FAT3: variants seen among roughly 807,000 people sequenced by gnomAD.
FAT3 encodes protocadherin Fat 3.
In FAT3, 95 loss-of-function variants were observed where a neutral mutation model predicts 310.2. The observed-to-expected ratio is 0.31, with a 90% CI of 0.26 to 0.36. The LOEUF (loss-of-function observed/expected upper bound fraction) is 0.36, where lower values mean the gene tolerates loss of function less well. FAT3 is among the 10% of genes least tolerant of loss of function. The probability of loss-of-function intolerance (pLI) is 1.00; values close to 1 mark genes in which losing one functional copy is unlikely to be tolerated. For synonymous variants in FAT3, 2,314 were observed against 2,192.9 expected, an observed-to-expected ratio of 1.06 and a Z score of -1.54; for missense variants, 5,408 against 5,715.6, an observed-to-expected ratio of 0.95 and a Z score of 1.74.
intron 1 of FAT3, among the ~76,000 whole-genome samples, chr11:92,261,677 T>G (rs1311009045): frequency 6.6e-6 from 1 of 152,088 alleles, no homozygotes; most frequent in Non-Finnish European, 1.5e-5. Context: ...TCCAAACGTT[T>G]GTATTATTCC....
At chr11:92,268,846 T>C (rs1180908093) in intron 1 of FAT3, among the ~76,000 whole-genome samples, 3 of 152,168 alleles carry the variant, frequency 2.0e-5, no homozygotes, top group Non-Finnish European at 4.4e-5. Context: ...TTTTCCTCCT[T>C]TTAAGGAAAG....
chr11:92,411,761 A>G (rs1950274654), intron 2 of FAT3, among the ~76,000 whole-genome samples: 1 of 151,474 alleles, frequency 6.6e-6, no homozygotes, highest in African/African-American at 2.4e-5. Context: ...TTTTTTCTGA[A>G]TCTAAATTCA....
chr11:92,266,243 T>C (rs2134321047), intron 1 of FAT3, among the ~76,000 whole-genome samples: 1 of 152,288 alleles, frequency 6.6e-6, no homozygotes, highest in African/African-American at 2.4e-5. Context: ...GCCATTCATA[T>C]GGTTTATTTC....
chr11:92,767,251 CAAAAA>C (rs572259436), intron 6 of FAT3, among the ~76,000 whole-genome samples: 1 of 58,914 alleles, frequency 1.7e-5, no homozygotes, highest in Non-Finnish European at 3.6e-5. Context: ...GACTCTGTCT[CAAAAA>C]AAAAAAAAAA....
At chr11:92,432,092 A>T (rs1186951) in intron 2 of FAT3, among the ~76,000 whole-genome samples, 1 of 151,950 alleles carries the variant, frequency 6.6e-6, no homozygotes, top group Admixed American at 6.5e-5. Context: ...CTTGGGCAGT[A>T]TGGCCATTTT....
At chr11:92,264,782 C>T (rs977875149) in intron 1 of FAT3, among the ~76,000 whole-genome samples, 1 of 152,142 alleles carries the variant, frequency 6.6e-6, no homozygotes, top group Non-Finnish European at 1.5e-5. Flanking sequence ...CTCGGCTTGG[C>T]CGTACCTGGG....
At chr11:92,485,550 A>G (rs1433916915) in intron 2 of FAT3, among the ~76,000 whole-genome samples, 1 of 152,174 alleles carries the variant, frequency 6.6e-6, no homozygotes, top group Non-Finnish European at 1.5e-5. Flanking sequence ...AATAGATTAC[A>G]CAGAAACGAA....
chr11:92,606,190 C>G (rs960257628), intron 3 of FAT3, among the ~76,000 whole-genome samples: 2 of 152,186 alleles, frequency 1.3e-5, no homozygotes, highest in Non-Finnish European at 2.9e-5. Flanking sequence ...ACTAGATATG[C>G]ATTTTCTGTT....
intron 1 of FAT3, among the ~76,000 whole-genome samples, chr11:92,261,982 ACTCT>A (rs1394093985): frequency 6.8e-6 from 1 of 147,912 alleles, no homozygotes; most frequent in African/African-American, 2.5e-5. Context: ...ATACATATTT[ACTCT>A]CTCTTTTTTT....
At chr11:92,746,799 T>A (rs1358492995) in intron 4 of FAT3, among the ~76,000 whole-genome samples, 1 of 152,100 alleles carries the variant, frequency 6.6e-6, no homozygotes, top group Non-Finnish European at 1.5e-5. Context: ...CCCATGCAAG[T>A]CCAAAATCCA....
At chr11:92,306,892 G>C (rs1947155549) in intron 1 of FAT3, among the ~76,000 whole-genome samples, 1 of 148,754 alleles carries the variant, frequency 6.7e-6, no homozygotes, top group South Asian at 2.1e-4. Context: ...CTGGGCTTAA[G>C]TGATTCTGCC....
At chr11:92,507,446 CTGA>C (rs1953140866) in intron 2 of FAT3, among the ~76,000 whole-genome samples, 1 of 151,858 alleles carries the variant, frequency 6.6e-6, no homozygotes, top group Non-Finnish European at 1.5e-5. Context: ...CTCATGTACT[CTGA>C]TGCTTTTATA....
Position 92,710,522 on chromosome 11 carries a change from G to A in FAT3, c.3669+13077G>A, listed in dbSNP as rs149739333. 3.4e-3 allele frequency among the ~76,000 whole-genome samples: 511 copies of A among 152,302 alleles called. 3 individuals carry two copies. Among genetic ancestry groups the A allele is most frequent in the African/African-American group, 0.012 (494 of 41,550 alleles). On this transcript the variant is annotated intron_variant, in intron 4 of 27. Coordinates refer to ENST00000525166, the MANE Select transcript of FAT3 (RefSeq NM_001367949.2). ...GCCTTGTTGGCAGGGAGACATAACC[G>A]CAGCAGACAGACTCTTGAGGTATGC...
At chr11:92,513,759 AT>A (rs1273909854) in intron 2 of FAT3, among the ~76,000 whole-genome samples, 1 of 152,208 alleles carries the variant, frequency 6.6e-6, no homozygotes, top group Non-Finnish European at 1.5e-5. Context: ...TACAACAGAT[AT>A]GCCATCAAGG....
At chr11:92,744,742 A>C (rs969236142) in intron 4 of FAT3, among the ~76,000 whole-genome samples, 2 of 152,130 alleles carry the variant, frequency 1.3e-5, no homozygotes, top group Non-Finnish European at 2.9e-5. Context: ...CTCTCATTTT[A>C]AATATTGGCA....
intron 19 of FAT3, among the ~76,000 whole-genome samples, chr11:92,845,838 A>G (rs1162860666): frequency 6.6e-6 from 1 of 152,116 alleles, no homozygotes; most frequent in Non-Finnish European, 1.5e-5. Flanking sequence ...TTGGAGAATG[A>G]GCTCATCACA....
intron 2 of FAT3, among the ~76,000 whole-genome samples, chr11:92,500,549 A>G: frequency 6.6e-6 from 1 of 151,978 alleles, no homozygotes; most frequent in East Asian, 1.9e-4. Flanking sequence ...TCCTTTATAT[A>G]TTTCTATCTC....
intron 4 of FAT3, among the ~76,000 whole-genome samples, chr11:92,726,374 A>G (rs1309139453): frequency 6.6e-6 from 1 of 152,198 alleles, no homozygotes; most frequent in East Asian, 1.9e-4. Context: ...CAAGTATCCT[A>G]TATATTCATC....
intron 3 of FAT3, among the ~76,000 whole-genome samples, chr11:92,562,791 TAG>T: frequency 6.6e-6 from 1 of 152,042 alleles, no homozygotes; most frequent in Non-Finnish European, 1.5e-5. Context: ...TTAAAGAAAA[TAG>T]AGTGAGAGAA....
Sources: allele counts gnomAD v4.1 joint callset (sites outside exome capture counted in the v4.1 genomes callset), GRCh38; gene constraint gnomAD v4.1.1; transcripts MANE v1.5; gene names NCBI Gene and HGNC (gene_info 2026-07-23, HGNC 2026-07-21).